The following RGS6 variants were observed in gnomAD, a reference collection of about 807,000 sequenced individuals.
The protein encoded by RGS6 is regulator of G-protein signaling 6.
RGS6 carries 30 observed loss-of-function variants against 78.5 expected under a neutral mutation model. The ratio of observed to expected loss-of-function variants is 0.38; its 90% CI spans 0.29 to 0.52. The LOEUF (loss-of-function observed/expected upper bound fraction) is 0.52. RGS6 is among the 20% of genes least tolerant of loss of function. The probability of loss-of-function intolerance (pLI) is 0.85; values close to 1 mark genes in which losing one functional copy is unlikely to be tolerated. For missense variants in RGS6, 495 were observed against 609.7 expected, an observed-to-expected ratio of 0.81 and a Z score of 1.98; for synonymous variants, 206 against 206.0, an observed-to-expected ratio of 1.00 and a Z score of 0.00.
chr14:72,056,215 AGAAGCCTGC>A (rs2093611580), intron 2 of RGS6, among the ~76,000 whole-genome samples: 1 of 152,212 alleles, frequency 6.6e-6, no homozygotes, highest in South Asian at 2.1e-4. Flanking sequence ...AGAGAAGTTA[AGAAGCCTGC>A]GCCGTGTCAC....
At chr14:72,517,453 T>C (rs1227346868) in intron 14 of RGS6, among the ~76,000 whole-genome samples, 2 of 151,502 alleles carry the variant, frequency 1.3e-5, no homozygotes, top group East Asian at 2.0e-4. Flanking sequence ...CTCTGGCTGC[T>C]GCTGCTCTCA....
At chr14:72,032,220 T>G (rs2091014157) in intron 2 of RGS6, among the ~76,000 whole-genome samples, 1 of 152,210 alleles carries the variant, frequency 6.6e-6, no homozygotes, top group Non-Finnish European at 1.5e-5. Context: ...GGTAAATTGG[T>G]AAAACTACTA....
intron 2 of RGS6, among the ~76,000 whole-genome samples, chr14:72,057,312 T>TA (rs2093664411): frequency 1.4e-5 from 1 of 70,962 alleles, no homozygotes; most frequent in Admixed American, 2.0e-4. Context: ...AGACTCTATC[T>TA]GAAAAAAAAA....
chr14:72,619,079 C>T, the RGS6 span, among the ~76,000 whole-genome samples: 5 of 152,296 alleles, frequency 3.3e-5, no homozygotes, highest in African/African-American at 7.2e-5. Flanking sequence ...AACTTCCTTC[C>T]GGTAGAGACA....
At chr14:72,147,823 C>T in intron 2 of RGS6, among the ~76,000 whole-genome samples, 1 of 152,054 alleles carries the variant, frequency 6.6e-6, no homozygotes, top group East Asian at 1.9e-4. Flanking sequence ...TATGCAGGAC[C>T]TTATAACCAC....
At chr14:72,160,226 G>T (rs2096833701) in intron 2 of RGS6, among the ~76,000 whole-genome samples, 1 of 152,192 alleles carries the variant, frequency 6.6e-6, no homozygotes, top group Non-Finnish European at 1.5e-5. Context: ...TTGAATTCAG[G>T]TGGGAGAATA....
intron 2 of RGS6, among the ~76,000 whole-genome samples, chr14:72,001,985 C>A (rs907642302): frequency 6.8e-6 from 1 of 147,322 alleles, no homozygotes; most frequent in Non-Finnish European, 1.5e-5. Context: ...TCACTGCAAC[C>A]TTTATCTCCT....
At chr14:72,185,642 T>C (rs1488678735) in intron 2 of RGS6, among the ~76,000 whole-genome samples, 1 of 152,156 alleles carries the variant, frequency 6.6e-6, no homozygotes, top group Admixed American at 6.5e-5. Context: ...TTGCAGTAAT[T>C]ATAGATAATA....
intron 1 of RGS6, among the ~76,000 whole-genome samples, chr14:71,953,838 TTC>T (rs2092555355): frequency 6.6e-6 from 1 of 152,126 alleles, no homozygotes; most frequent in African/African-American, 2.4e-5. Context: ...CCTGAAGAAC[TTC>T]TTTTTGCATT....
At chr14:71,880,306 T>C in the RGS6 span, among the ~76,000 whole-genome samples, 6 of 152,214 alleles carry the variant, frequency 3.9e-5, no homozygotes, top group Non-Finnish European at 8.8e-5. Context: ...GAAAATCCCA[T>C]TTCTGAGAGA....
chr14:72,290,696 T>G (rs1232203271), intron 2 of RGS6, among the ~76,000 whole-genome samples: 1 of 152,144 alleles, frequency 6.6e-6, no homozygotes, highest in Non-Finnish European at 1.5e-5. Flanking sequence ...TGGAAGAAAA[T>G]GCGCTTAATT....
intron 2 of RGS6, among the ~76,000 whole-genome samples, chr14:72,228,468 C>G (rs1307074229): frequency 6.6e-6 from 1 of 152,014 alleles, no homozygotes; most frequent in African/African-American, 2.4e-5. Context: ...TAGTAGGGAC[C>G]CATTGGAGGG....
At chr14:72,567,312 T>A (rs1275674682), downstream of RGS6, among the ~76,000 whole-genome samples, 1 of 152,150 alleles carries the variant, frequency 6.6e-6, no homozygotes, top group Non-Finnish European at 1.5e-5. Context: ...CCACCTCACG[T>A]CCTGGTCCAT....
intron 3 of RGS6, among the ~76,000 whole-genome samples, chr14:72,446,682 A>T (rs781740470): frequency 3.9e-5 from 6 of 152,180 alleles, no homozygotes; most frequent in Non-Finnish European, 8.8e-5. Flanking sequence ...TATACAACTC[A>T]CCACAATGTA....
At chr14:72,198,850 CAGAG>C (rs1168776870) in intron 2 of RGS6, among the ~76,000 whole-genome samples, 4 of 152,198 alleles carry the variant, frequency 2.6e-5, no homozygotes, top group African/African-American at 7.2e-5. Context: ...AGAAAAGAGA[CAGAG>C]AGAGGAAAGT....
intron 2 of RGS6, among the ~76,000 whole-genome samples, chr14:71,982,042 C>G (rs1044675336): frequency 2.0e-5 from 3 of 152,216 alleles, no homozygotes; most frequent in African/African-American, 7.2e-5. Context: ...GGGAGTGACC[C>G]GATTTTCCAG....
chr14:72,250,212 C>T (rs1181451775), intron 2 of RGS6, among the ~76,000 whole-genome samples: 1 of 151,222 alleles, frequency 6.6e-6, no homozygotes, highest in Non-Finnish European at 1.5e-5. Flanking sequence ...GCACAATGTG[C>T]ACATGTACCC....
At chr14:71,881,536 A>G in the RGS6 span, among the ~76,000 whole-genome samples, 1 of 152,184 alleles carries the variant, frequency 6.6e-6, no homozygotes, top group Non-Finnish European at 1.5e-5. Context: ...ATACGTCTCA[A>G]GAGGTCTGAT....
At chr14:72,299,421 T>A (rs1205710068) in intron 2 of RGS6, among the ~76,000 whole-genome samples, 2 of 152,258 alleles carry the variant, frequency 1.3e-5, no homozygotes, top group African/African-American at 2.4e-5. Flanking sequence ...TTTTAAGGTT[T>A]ACTATGCTGC....
Sources: gnomAD v4.1 joint callset for allele counts (sites outside exome capture counted in the v4.1 genomes callset) on GRCh38, gnomAD v4.1.1 for gene constraint, MANE v1.5 for transcripts, NCBI Gene and HGNC (gene_info 2026-07-23, HGNC 2026-07-21) for gene names.